The following KIAA1217 variants were observed in gnomAD, a reference collection of about 807,000 sequenced individuals.
KIAA1217 encodes sickle tail protein homolog.
Under a neutral mutation model 163.9 loss-of-function variants are expected in KIAA1217, and 88 were observed. The observed-to-expected ratio is 0.54, with a 90% CI of 0.45 to 0.64. The LOEUF (loss-of-function observed/expected upper bound fraction) is 0.64. Ranked by LOEUF, KIAA1217 falls within the 30% of genes least tolerant of loss-of-function variation. KIAA1217 has a pLI of 0.00. For missense variants in KIAA1217, 2,372 were observed against 2,475.0 expected (o/e 0.96, Z 0.88); for synonymous variants, 903 against 923.1 (o/e 0.98, Z 0.39).
chr10:23,793,095 G>A (rs1379943502), intron 1 of KIAA1217, among the ~76,000 whole-genome samples: 3 of 151,958 alleles, frequency 2.0e-5, no homozygotes, highest in Non-Finnish European at 4.4e-5. Flanking sequence ...GCTCCAGACC[G>A]TGTCACAGAA....
intron 1 of KIAA1217, among the ~76,000 whole-genome samples, chr10:23,828,960 T>C (rs1021946224): frequency 6.6e-6 from 1 of 152,224 alleles, no homozygotes; most frequent in Non-Finnish European, 1.5e-5. Flanking sequence ...ATTGAAAGTA[T>C]ATAAAATGCC....
chr10:24,164,489 G>T (rs1482748078), intron 2 of KIAA1217, among the ~76,000 whole-genome samples: 2 of 152,066 alleles, frequency 1.3e-5, no homozygotes, highest in African/African-American at 4.8e-5. Context: ...CATCTATCCT[G>T]GTTACTGCCA....
At chr10:24,212,620 G>A (rs1386218140) in intron 1 of KIAA1217, among the ~76,000 whole-genome samples, 1 of 152,242 alleles carries the variant, frequency 6.6e-6, no homozygotes, top group East Asian at 1.9e-4. Context: ...ATATGATGCT[G>A]TAGAGAAGCA....
At chr10:24,014,120 G>A (rs1166493702) in intron 2 of KIAA1217, among the ~76,000 whole-genome samples, 1 of 152,056 alleles carries the variant, frequency 6.6e-6, no homozygotes, top group Admixed American at 6.6e-5. Flanking sequence ...CTGTTTATTT[G>A]CTTTTCCTGT....
At chr10:24,237,606 G>A (rs367937658) in intron 2 of KIAA1217, among the ~76,000 whole-genome samples, 2 of 152,150 alleles carry the variant, frequency 1.3e-5, no homozygotes, top group African/African-American at 4.8e-5. Flanking sequence ...TCTCTCTAAT[G>A]GAACTTTGAA....
At position 24,209,143 on chromosome 10, in the gene KIAA1217, T is replaced by A; in HGVS notation, c.-51T>A. 6.5e-7 allele frequency: 1 copy of A among 1,544,886 alleles called. No homozygotes were observed. The highest frequency in any genetic ancestry group is 8.9e-7 in the Non-Finnish European group (1 of 1,122,824). ...GGCGCTTTCTGGGAGCTTTTAGAAC[T>A]GCGCTCTGAAGTTTCCAGAGAGCGA... On this transcript the variant is annotated 5_prime_UTR_variant, in exon 1 of 21. Coordinates refer to ENST00000376454, the MANE Select transcript of KIAA1217 (RefSeq NM_019590.5).
chr10:24,151,057 G>A (rs1256882247), intron 2 of KIAA1217, among the ~76,000 whole-genome samples: 1 of 152,118 alleles, frequency 6.6e-6, no homozygotes, highest in Non-Finnish European at 1.5e-5. Context: ...AGACAAAGCT[G>A]GAGGAACAGA....
intron 2 of KIAA1217, among the ~76,000 whole-genome samples, chr10:24,315,828 A>G (rs1248652511): frequency 6.6e-6 from 1 of 151,780 alleles, no homozygotes; most frequent in Non-Finnish European, 1.5e-5. Context: ...CAGAATGGGA[A>G]TGTATCAGTT....
rs1835789757 is a variant in KIAA1217 at position 23,790,392 on chromosome 10, T to TACATATAC, written c.-321+95159_-321+95160insCATATACA. 2.4e-5 allele frequency among the ~76,000 whole-genome samples: 2 copies of TACATATAC among 82,470 alleles called. 1 individual carries two copies. The highest frequency in any genetic ancestry group is 1.1e-4 in the African/African-American group (2 of 18,962). 54.1% of individuals were successfully genotyped at this position (82,470 alleles called of 152,430 possible). A position where few individuals can be genotyped will look rare whatever the true frequency, so the allele number is the denominator to read the frequency against. ...ATATACATATGTATATATACATATG[T>TACATATAC]ATATATACATATATACATATACATA... On this transcript the variant is annotated intron_variant, in intron 1 of 18. Transcript: ENST00000376462.
intron 2 of KIAA1217, among the ~76,000 whole-genome samples, chr10:24,298,289 AT>A (rs10718380): frequency 0.096 from 14,407 of 150,522 alleles, 985 homozygotes; most frequent in East Asian, 0.23. Flanking sequence ...TTGTTTAGAA[AT>A]TTTTTTTTTC....
Position 24,129,130 on chromosome 10 carries a change from G to A in KIAA1217, c.-170-90496G>A, listed in dbSNP as rs140642302. ...CAGAAAGGTACTAACCTCCTACTAT[G>A]TACAGAAAATGCTGATGCAGATAGT... On this transcript the variant is annotated intron_variant, in intron 2 of 18. Coordinates refer to the KIAA1217 transcript ENST00000376462. Among the ~76,000 whole-genome samples, 131 of 152,318 alleles carry A rather than the reference G, an allele frequency of 8.6e-4. 2 individuals carry two copies. The highest frequency in any genetic ancestry group is 3.0e-3 in the African/African-American group (126 of 41,580).
chr10:23,713,486 CT>C (rs1837388848), intron 1 of KIAA1217, among the ~76,000 whole-genome samples: 1 of 152,020 alleles, frequency 6.6e-6, no homozygotes, highest in Non-Finnish European at 1.5e-5. Context: ...TATCATGGTC[CT>C]TTTGGTGTTT....
intron 3 of KIAA1217, among the ~76,000 whole-genome samples, chr10:24,421,748 TA>T (rs1415645177): frequency 6.6e-6 from 1 of 152,234 alleles, no homozygotes; most frequent in Non-Finnish European, 1.5e-5. Context: ...ATAGTTTTTT[TA>T]TTTATATTGC....
chr10:24,283,268 G>A (rs1460524388), intron 2 of KIAA1217, among the ~76,000 whole-genome samples: 1 of 152,102 alleles, frequency 6.6e-6, no homozygotes, highest in East Asian at 1.9e-4. Context: ...AATTAGAATT[G>A]TACAATATGT....
intron 2 of KIAA1217, among the ~76,000 whole-genome samples, chr10:24,028,955 G>A (rs114400090): frequency 0.011 from 1,723 of 152,234 alleles, 33 homozygotes; most frequent in African/African-American, 0.038. Flanking sequence ...CAGAAAGCAG[G>A]CTTTCAATGG....
chr10:23,816,485 GT>G (rs1200761269), intron 1 of KIAA1217, among the ~76,000 whole-genome samples: 1 of 152,138 alleles, frequency 6.6e-6, no homozygotes, highest in Admixed American at 6.6e-5. Context: ...TACAGATGAG[GT>G]TTCACCATAT....
At chr10:23,975,986 G>T (rs1015987976) in intron 1 of KIAA1217, among the ~76,000 whole-genome samples, 1 of 152,110 alleles carries the variant, frequency 6.6e-6, no homozygotes, top group Non-Finnish European at 1.5e-5. Context: ...GACTGCTCTT[G>T]TTAGCACTCC....
chr10:24,071,050 C>T (rs1384309900), intron 2 of KIAA1217, among the ~76,000 whole-genome samples: 1 of 151,942 alleles, frequency 6.6e-6, no homozygotes, highest in Non-Finnish European at 1.5e-5. Context: ...TGTGAGCATA[C>T]CTAATGAGAC....
rs909403482 is a variant in KIAA1217, at chr10:23,915,654, A to G, written c.-320-91571A>G. Among the ~76,000 whole-genome samples the G allele has an allele frequency of 1.1e-4, 16 of 152,204 alleles. 1 individual carries two copies. The highest frequency in any genetic ancestry group is 1.7e-4 in the African/African-American group (7 of 41,444). ...ATTTCTGCAACTTTTCTGGAAATCT[A>G]TAGCTATTCCAAAACAAAGGGTTTA... On this transcript the variant is annotated intron_variant, in intron 1 of 18. Coordinates refer to the KIAA1217 transcript ENST00000376462.
Sources: gnomAD v4.1 joint callset for allele counts (sites outside exome capture counted in the v4.1 genomes callset) on GRCh38, gnomAD v4.1.1 for gene constraint, MANE v1.5 for transcripts, NCBI Gene and HGNC (gene_info 2026-07-23, HGNC 2026-07-21) for gene names.